TENM2: variants seen among roughly 807,000 people sequenced by gnomAD.
The protein encoded by TENM2 is teneurin-2.
Under a neutral mutation model 245.2 loss-of-function variants are expected in TENM2, and 52 were observed. The observed-to-expected ratio is 0.21, with a 90% CI of 0.17 to 0.27. TENM2 has a LOEUF of 0.27. Among genes scored for constraint, TENM2 ranks in the 10% least tolerant of loss-of-function variants. The pLI, the probability that TENM2 is intolerant of heterozygous loss-of-function variation, is 1.00. For synonymous variants in TENM2, 1,363 were observed against 1,438.9 expected (o/e 0.95, Z 1.19); for missense variants, 3,046 against 3,666.8 (o/e 0.83, Z 4.37).
intron 2 of TENM2, among the ~76,000 whole-genome samples, chr5:167,796,739 T>C (rs567345810): frequency 6.6e-6 from 1 of 152,202 alleles, no homozygotes; most frequent in East Asian, 1.9e-4. Context: ...GCCTTAACAT[T>C]CTTCGTAGGC....
intron 1 of TENM2, among the ~76,000 whole-genome samples, chr5:167,337,694 G>A (rs1757861945): frequency 6.6e-6 from 1 of 152,154 alleles, no homozygotes; most frequent in South Asian, 2.1e-4. Flanking sequence ...GTGAAAGCTT[G>A]ACGTTGCAAA....
At chr5:167,401,966 A>G (rs1383912739) in intron 2 of TENM2, among the ~76,000 whole-genome samples, 1 of 152,144 alleles carries the variant, frequency 6.6e-6, no homozygotes, top group Non-Finnish European at 1.5e-5. Flanking sequence ...ACAAATGCAT[A>G]TTTAATGGCC....
intron 2 of TENM2, among the ~76,000 whole-genome samples, chr5:167,743,137 T>C (rs1478374806): frequency 6.6e-6 from 1 of 152,208 alleles, no homozygotes; most frequent in East Asian, 1.9e-4. Context: ...GTATAAGACC[T>C]GGGACTACAC....
chr5:166,985,985 G>A, the TENM2 span, among the ~76,000 whole-genome samples: 1 of 152,166 alleles, frequency 6.6e-6, no homozygotes, highest in Non-Finnish European at 1.5e-5. Flanking sequence ...TGATTTAGAT[G>A]TTCAAAGGTG....
chr5:167,224,624 T>C, the TENM2 span, among the ~76,000 whole-genome samples: 1 of 152,096 alleles, frequency 6.6e-6, no homozygotes, highest in Non-Finnish European at 1.5e-5. Context: ...GGTAGTGTGA[T>C]GTCTCTAGCC....
downstream of TENM2, chr5:168,263,109 T>A: frequency 3.1e-6 from 1 of 318,570 alleles, no homozygotes. Flanking sequence ...GTTCTGGGTC[T>A]ACGCAGAAAA....
chr5:167,153,004 T>C, the TENM2 span, among the ~76,000 whole-genome samples: 29 of 152,242 alleles, frequency 1.9e-4, no homozygotes, highest in East Asian at 4.4e-3. Flanking sequence ...TACTGGAGAT[T>C]AGCTTGCCCA....
chr5:167,349,435 G>T (rs1463389947), intron 1 of TENM2, among the ~76,000 whole-genome samples: 2 of 152,164 alleles, frequency 1.3e-5, no homozygotes, highest in Non-Finnish European at 1.5e-5. Context: ...AAGCCTCTTT[G>T]CAGTGTGCCA....
chr5:167,583,310 G>A (rs2127687146), intron 2 of TENM2, among the ~76,000 whole-genome samples: 1 of 152,210 alleles, frequency 6.6e-6, no homozygotes, highest in East Asian at 1.9e-4. Context: ...TCCCATATTT[G>A]TTTACTTACA....
the TENM2 span, among the ~76,000 whole-genome samples, chr5:167,228,164 G>A: frequency 1.3e-5 from 2 of 151,926 alleles, no homozygotes; most frequent in South Asian, 4.2e-4. Flanking sequence ...AGGTAGCTGG[G>A]GACTACAGGT....
the TENM2 span, among the ~76,000 whole-genome samples, chr5:167,130,587 C>CA: frequency 6.6e-6 from 1 of 152,176 alleles, no homozygotes; most frequent in Admixed American, 6.5e-5. Flanking sequence ...TTCAGTTTCC[C>CA]ATCCGAAGAG....
the TENM2 span, among the ~76,000 whole-genome samples, chr5:167,174,874 C>CTT: frequency 1.4e-5 from 2 of 142,590 alleles, no homozygotes; most frequent in African/African-American, 2.6e-5. Flanking sequence ...ATATATTCAA[C>CTT]TTTTTTTTTT....
At chr5:167,983,792 C>A (rs975223921) in intron 4 of TENM2, among the ~76,000 whole-genome samples, 1 of 152,138 alleles carries the variant, frequency 6.6e-6, no homozygotes. Context: ...TTAGTAACAT[C>A]CCTAGTCCCT....
intron 2 of TENM2, among the ~76,000 whole-genome samples, chr5:167,772,125 C>G (rs930976199): frequency 6.6e-6 from 1 of 152,110 alleles, no homozygotes; most frequent in East Asian, 1.9e-4. Context: ...ATAAAAGAAT[C>G]CAATCACATT....
chr5:168,123,702 T>C (rs1049246704), intron 10 of TENM2, among the ~76,000 whole-genome samples: 1 of 152,214 alleles, frequency 6.6e-6, no homozygotes, highest in Admixed American at 6.5e-5. Context: ...GGGAGAAATA[T>C]GTCTTAATCA....
chr5:167,689,489 G>A (rs1757284674), intron 2 of TENM2, among the ~76,000 whole-genome samples: 1 of 152,178 alleles, frequency 6.6e-6, no homozygotes, highest in Admixed American at 6.5e-5. Flanking sequence ...AGAGATCCGA[G>A]GAGTGCATTT....
chr5:167,813,196 G>A (rs1766771944), intron 2 of TENM2, among the ~76,000 whole-genome samples: 1 of 152,100 alleles, frequency 6.6e-6, no homozygotes, highest in South Asian at 2.1e-4. Context: ...GGAGATGTGT[G>A]CATCCCAGTT....
chr5:167,312,847 C>G (rs1251571937), intron 1 of TENM2, among the ~76,000 whole-genome samples: 6 of 151,358 alleles, frequency 4.0e-5, no homozygotes, highest in Admixed American at 2.0e-4. Flanking sequence ...AGACCGGACC[C>G]TGGCAAAGCA....
intron 2 of TENM2, among the ~76,000 whole-genome samples, chr5:167,581,627 T>C (rs1437966326): frequency 6.6e-6 from 1 of 152,190 alleles, no homozygotes; most frequent in African/African-American, 2.4e-5. Context: ...AGAATATATG[T>C]ATGTGCATAT....
Sources: allele counts gnomAD v4.1 joint callset (sites outside exome capture counted in the v4.1 genomes callset), GRCh38; gene constraint gnomAD v4.1.1; transcripts MANE v1.5; gene names NCBI Gene and HGNC (gene_info 2026-07-23, HGNC 2026-07-21).